The following RASAL2 variants were observed in gnomAD, a reference collection of about 807,000 sequenced individuals.
RASAL2 encodes RAS protein activator like 2.
RASAL2 carries 58 observed loss-of-function variants against 128.9 expected under a neutral mutation model. The observed-to-expected ratio is 0.45, with a 90% CI of 0.36 to 0.56. RASAL2 has a LOEUF of 0.56. Ranked by LOEUF, RASAL2 falls within the 20% of genes least tolerant of loss-of-function variation. The pLI, the probability that RASAL2 is intolerant of heterozygous loss-of-function variation, is 0.00. For synonymous variants in RASAL2, 561 were observed against 580.8 expected (o/e 0.97, Z 0.49); for missense variants, 1,360 against 1,601.6 (o/e 0.85, Z 2.57).
intron 2 of RASAL2, among the ~76,000 whole-genome samples, chr1:178,295,942 T>TC (rs1667477645): frequency 6.6e-6 from 1 of 152,186 alleles, no homozygotes; most frequent in Non-Finnish European, 1.5e-5. Context: ...TGTACTTGAC[T>TC]ATCTGTTTAA....
intron 2 of RASAL2, among the ~76,000 whole-genome samples, chr1:178,287,093 C>T (rs185404987): frequency 6.6e-6 from 1 of 152,120 alleles, no homozygotes; most frequent in Non-Finnish European, 1.5e-5. Flanking sequence ...CAGTCATTCT[C>T]ATCACTCCTT....
intron 1 of RASAL2, among the ~76,000 whole-genome samples, chr1:178,128,863 C>T (rs766822266): frequency 1.3e-5 from 2 of 151,982 alleles, no homozygotes; most frequent in Admixed American, 6.6e-5. Context: ...ATTAGTACTT[C>T]ATTCTTTTTT....
intron 1 of RASAL2, among the ~76,000 whole-genome samples, chr1:178,235,581 T>C (rs1664196600): frequency 6.6e-6 from 1 of 152,064 alleles, no homozygotes; most frequent in Non-Finnish European, 1.5e-5. Context: ...CTCCGCTATC[T>C]CCTAAGTGCT....
At chr1:178,305,204 G>A (rs966781486) in intron 3 of RASAL2, among the ~76,000 whole-genome samples, 1 of 152,142 alleles carries the variant, frequency 6.6e-6, no homozygotes, top group Non-Finnish European at 1.5e-5. Context: ...AATCAATATT[G>A]TTATAATGTC....
intron 3 of RASAL2, among the ~76,000 whole-genome samples, chr1:178,324,854 G>A (rs1396230009): frequency 1.3e-5 from 2 of 151,974 alleles, no homozygotes; most frequent in South Asian, 2.1e-4. Context: ...TTTTATGTGC[G>A]AAACAGACTC....
In RASAL2 at chr1:178,457,999, G is replaced by C; in HGVS notation, c.2707G>C (p.Val903Leu). The change falls in exon 14 of 18, where the codon GTG becomes CTG. Residue 903 changes from valine (V) to leucine (L), a missense_variant. Physicochemically the swap from Val to Leu is conservative, Grantham distance 32 (BLOSUM62 1). Around this residue, in one of 3 missense-constraint regions of RASAL2, gnomAD observed 741 missense variants for 868.6 expected, o/e 0.85. Transcript: ENST00000367649. ...TQSTPQSAPQ[V>L]RRPLHPALNQ... The stretch of plus-strand genomic sequence containing the variant: ...GAGCACTCCCCAAAGTGCACCCCAA[G>C]TGAGAAGGCCCCTGCACCCAGCCTT... The C allele has an allele frequency of 6.2e-7, 1 of 1,614,116 alleles. No homozygotes were observed. Among genetic ancestry groups the C allele is most frequent in the East Asian group, 2.2e-5 (1 of 44,864 alleles).
chr1:178,148,403 A>G (rs542031835), intron 1 of RASAL2, among the ~76,000 whole-genome samples: 226 of 152,076 alleles, frequency 1.5e-3, no homozygotes, highest in Non-Finnish European at 2.7e-3. Flanking sequence ...CGCATAGTCA[A>G]TAGGCTTAAT....
In RASAL2 at chr1:178,473,387, C is replaced by A; in HGVS notation, c.*148C>A. The A allele has an allele frequency of 9.8e-7, 1 of 1,021,884 alleles. No homozygotes were observed. The highest frequency in any genetic ancestry group is 1.6e-5 in the South Asian group (1 of 62,438). The allele number at this position is 1,021,884 out of a possible 1,614,324, so 63.3% of individuals were successfully genotyped here. ...TCCTGAATGAAGAAAGGAACCTTGTCTTTCAGGGCATAAGGCGGCGACTTC... is the reference window on the plus strand; with the variant it reads ...TCCTGAATGAAGAAAGGAACCTTGTATTTCAGGGCATAAGGCGGCGACTTC... On this transcript the variant is annotated 3_prime_UTR_variant, in exon 18 of 18. Transcript: ENST00000367649.
intron 3 of RASAL2, among the ~76,000 whole-genome samples, chr1:178,323,944 A>G (rs560988736): frequency 3.9e-5 from 6 of 152,322 alleles, no homozygotes; most frequent in African/African-American, 1.4e-4. Flanking sequence ...AAGAAAATGC[A>G]TACCCGTAAC....
At chr1:178,389,619 C>A (rs1368601519) in intron 3 of RASAL2, among the ~76,000 whole-genome samples, 1 of 152,134 alleles carries the variant, frequency 6.6e-6, no homozygotes, top group East Asian at 1.9e-4. Context: ...CTTCTCATGG[C>A]CCTTTTGTTG....
In RASAL2 at chr1:178,476,469, T is replaced by C. The variant is rs1459183482; in HGVS notation, c.*3230T>C. ...TGAGCACTTACCATGTTCCAAGCACTATCACCAAGGTACTGTTGGGGTTTA... is the reference window on the plus strand; with the variant it reads ...TGAGCACTTACCATGTTCCAAGCACCATCACCAAGGTACTGTTGGGGTTTA... On this transcript the variant is annotated 3_prime_UTR_variant, in exon 18 of 18. Transcript: ENST00000367649. The C allele has an allele frequency of 1.3e-5, 2 of 152,200 alleles. No individual in the cohort carries two copies. The highest frequency in any genetic ancestry group is 2.9e-5 in the Non-Finnish European group (2 of 68,044). 9.4% of individuals were successfully genotyped at this position (152,200 alleles called of 1,614,324 possible).
intron 1 of RASAL2, among the ~76,000 whole-genome samples, chr1:178,282,473 T>A (rs1442007262): frequency 6.6e-6 from 1 of 152,170 alleles, no homozygotes; most frequent in Non-Finnish European, 1.5e-5. Context: ...ACCTAGGAAA[T>A]TATTTGCCTT....
At chr1:178,215,220 T>G (rs537146474) in intron 1 of RASAL2, among the ~76,000 whole-genome samples, 1 of 152,364 alleles carries the variant, frequency 6.6e-6, no homozygotes, top group African/African-American at 2.4e-5. Context: ...GTTTCTTGAC[T>G]CTGGTCATGT....
intron 3 of RASAL2, among the ~76,000 whole-genome samples, chr1:178,312,407 A>G (rs1282878824): frequency 2.0e-5 from 3 of 152,166 alleles, no homozygotes; most frequent in African/African-American, 7.2e-5. Context: ...TCTGAAGGAA[A>G]TTTTTTTCCA....
At chr1:178,318,354 C>G (rs1166886797) in intron 3 of RASAL2, among the ~76,000 whole-genome samples, 58 of 150,348 alleles carry the variant, frequency 3.9e-4, no homozygotes, top group South Asian at 8.5e-4. Flanking sequence ...TCCTTGTTGA[C>G]TTTCTGTCTC....
At chr1:178,176,662 CAGAG>C (rs373327207) in intron 1 of RASAL2, among the ~76,000 whole-genome samples, 209 of 149,030 alleles carry the variant, frequency 1.4e-3, no homozygotes, top group Non-Finnish European at 2.0e-3. Flanking sequence ...GACAGACAGA[CAGAG>C]AGACTCCCTC....
At position 178,310,517 on chromosome 1, in the gene RASAL2, A is replaced by G. The variant is rs115204281; in HGVS notation, c.457+10399A>G. On this transcript the variant is annotated intron_variant, in intron 3 of 17. Transcript: ENST00000367649. ...GTTCTCAAGCTAACCTACTAAAATCAATTTTACTGTTTGATTTTGTTACTT... is the reference window on the plus strand; with the variant it reads ...GTTCTCAAGCTAACCTACTAAAATCGATTTTACTGTTTGATTTTGTTACTT... Among the ~76,000 whole-genome samples the G allele has an allele frequency of 3.7e-3, 558 of 152,300 alleles. 2 individuals are homozygous for G. Among genetic ancestry groups the G allele is most frequent in the African/African-American group, 0.013 (520 of 41,584 alleles).
At chr1:178,416,015 A>G (rs949717821) in intron 4 of RASAL2, among the ~76,000 whole-genome samples, 1 of 152,036 alleles carries the variant, frequency 6.6e-6, no homozygotes. Context: ...TACACTGACA[A>G]TCTCTTTTAA....
intron 1 of RASAL2, among the ~76,000 whole-genome samples, chr1:178,170,701 C>T (rs1658772262): frequency 6.6e-6 from 1 of 151,308 alleles, no homozygotes. Context: ...ATTATATATC[C>T]ATGAGCTCTT....
Sources: allele counts gnomAD v4.1 joint callset (sites outside exome capture counted in the v4.1 genomes callset), GRCh38; gene constraint gnomAD v4.1.1; regional missense constraint gnomAD v4.1.1; transcripts MANE v1.5; gene names NCBI Gene and HGNC (gene_info 2026-07-23, HGNC 2026-07-21).